Variants in MCF2L observed in about 807,000 individuals in gnomAD.
MCF2L encodes the protein MCF.2 cell line derived transforming sequence like, also known as guanine nucleotide exchange factor DBS.
Under a neutral mutation model 153.4 loss-of-function variants are expected in MCF2L, and 97 were observed. The ratio of observed to expected loss-of-function variants is 0.63; its 90% CI spans 0.54 to 0.75. The LOEUF is 0.75. Among genes scored for constraint, MCF2L ranks in the 30% least tolerant of loss-of-function variants. The pLI is 0.00. For synonymous variants in MCF2L, 659 were observed against 632.2 expected (o/e 1.04, Z -0.64); for missense variants, 1,347 against 1,495.2 (o/e 0.90, Z 1.64).
chr13:113,022,603 C>G (rs1462689636), intron 2 of MCF2L, among the ~76,000 whole-genome samples: 2 of 152,276 alleles, frequency 1.3e-5, no homozygotes, highest in South Asian at 4.1e-4. Flanking sequence ...GCCGTTTCCA[C>G]AATCCACCTC....
At chr13:112,897,669 G>C (rs140760047) in intron 1 of MCF2L, among the ~76,000 whole-genome samples, 1 of 152,368 alleles carries the variant, frequency 6.6e-6, no homozygotes, top group Non-Finnish European at 1.5e-5. Context: ...GTGGAGACCG[G>C]AGAGGGTAAC....
At position 113,090,260 on chromosome 13, in the gene MCF2L, G is replaced by C. The variant is rs556361531; in HGVS notation, c.2953+532G>C. On this transcript the variant is annotated intron_variant, in intron 26 of 29. Coordinates refer to ENST00000535094, the MANE Select transcript of MCF2L (RefSeq NM_001112732.3). ...CCTCCTTCGTCACAAGGGCGGCCAC[G>C]CAAAAGCGTTTCTTTCCACCCAATC... 2.9e-5 allele frequency: 40 copies of C among 1,357,160 alleles called. 1 individual carries two copies. In the South Asian group the frequency reaches 5.1e-4, roughly 17 times the overall value. The allele number at this position is 1,357,160 out of a possible 1,614,324, so 84.1% of individuals were successfully genotyped here.
chr13:112,977,494 C>T (rs1449933642), intron 1 of MCF2L, among the ~76,000 whole-genome samples: 4 of 152,148 alleles, frequency 2.6e-5, no homozygotes, highest in Non-Finnish European at 5.9e-5. Flanking sequence ...ATCAGCAGAT[C>T]GTGAGTGAGG....
At chr13:112,898,786 C>T (rs1392986237) in intron 1 of MCF2L, among the ~76,000 whole-genome samples, 1 of 152,210 alleles carries the variant, frequency 6.6e-6, no homozygotes, top group African/African-American at 2.4e-5. Context: ...CTCTGCCTCC[C>T]GCTTCTCTCC....
chr13:112,918,530 G>A (rs544327631), intron 2 of MCF2L, among the ~76,000 whole-genome samples: 10 of 152,240 alleles, frequency 6.6e-5, no homozygotes, highest in South Asian at 4.1e-4. Flanking sequence ...ACCACACCCT[G>A]GAAAGGCCAG....
Position 113,084,781 on chromosome 13 carries a change from G to A in MCF2L, c.2062-111G>A, listed in dbSNP as rs777814587. The stretch of plus-strand genomic sequence containing the variant: ...CAATGCCTCGCAGGGCCGGGAAGAC[G>A]CTGCGTGATGCGGTGCCCGTCCCTC... On this transcript the variant is annotated intron_variant, in intron 18 of 29. Coordinates refer to ENST00000535094, the MANE Select transcript of MCF2L (RefSeq NM_001112732.3). 5.9e-5 allele frequency: 48 copies of A among 808,786 alleles called. 1 individual carries two copies. Among genetic ancestry groups the A allele is most frequent in the South Asian group, 4.9e-4 (32 of 64,942 alleles). The allele number at this position is 808,786 out of a possible 1,614,324, so 50.1% of individuals were successfully genotyped here.
At chr13:113,034,905 G>A (rs560314117) in intron 3 of MCF2L, among the ~76,000 whole-genome samples, 183 of 152,282 alleles carry the variant, frequency 1.2e-3, no homozygotes, top group African/African-American at 4.1e-3. Flanking sequence ...AGGTCTGCCC[G>A]AGGTGAGGAA....
intron 3 of MCF2L, among the ~76,000 whole-genome samples, chr13:113,025,692 G>C (rs1194495168): frequency 8.2e-6 from 1 of 122,358 alleles, no homozygotes; most frequent in Admixed American, 8.3e-5. Context: ...CCCTGTCATG[G>C]GGTCCCCGTG....
At chr13:112,940,715 TATAAAC>T (rs1229935824) in intron 2 of MCF2L, among the ~76,000 whole-genome samples, 1 of 152,244 alleles carries the variant, frequency 6.6e-6, no homozygotes, top group Non-Finnish European at 1.5e-5. Context: ...TGTGTATTAT[TATAAAC>T]ATAAATATAG....
intron 3 of MCF2L, chr13:113,044,736 G>T (rs771242296): frequency 6.2e-7 from 1 of 1,612,898 alleles, no homozygotes; most frequent in Non-Finnish European, 8.5e-7. Flanking sequence ...TGTGGCTGTC[G>T]CAGAGAGTGC....
chr13:112,985,317 G>T, intron 1 of MCF2L: 1 of 451,054 alleles, frequency 2.2e-6, no homozygotes. Context: ...GAAAGGTCCT[G>T]TTACAAGGAG....
In MCF2L at chr13:113,064,710, G is replaced by A. The variant is rs1294703985; in HGVS notation, c.607-226G>A. ...CTCTCAACGGGGAGAGGCAGCGCAG[G>A]CACAGGCGACTCTAGGTGACGGGCA... is the stretch of plus-strand genomic sequence containing the variant. On this transcript the variant is annotated intron_variant, in intron 6 of 29. Coordinates refer to ENST00000535094, the MANE Select transcript of MCF2L (RefSeq NM_001112732.3). This position sits in a 1 kb window ranked among gnomAD's most constrained non-coding sequence, Gnocchi z 6.0. 1 of 600,754 alleles carries A rather than the reference G, an allele frequency of 1.7e-6. No homozygotes were observed. Among genetic ancestry groups the A allele is most frequent in the East Asian group, 2.8e-5 (1 of 36,090 alleles). The allele number at this position is 600,754 out of a possible 1,614,324, so 37.2% of individuals were successfully genotyped here. A position where few individuals can be genotyped will look rare whatever the true frequency, so the allele number is the denominator to read the frequency against.
chr13:112,900,433 C>T (rs1337365140), intron 1 of MCF2L, among the ~76,000 whole-genome samples: 6 of 152,280 alleles, frequency 3.9e-5, no homozygotes, highest in East Asian at 1.9e-4. Context: ...ACACGCCACA[C>T]GTAAACAAAA....
In MCF2L at chr13:113,045,309, A is replaced by G; in HGVS notation, c.317A>G (p.Asp106Gly). ...DAGIGFILVI[D>G]RRRDKWTSVK... ...GGCATCGGATTCATCCTGGTGATAG[A>G]CCGGCGACGGGACAAATGGACCTCC... Residue 106 changes from aspartate to glycine, a missense_variant, in exon 4 of 30, where the codon GAC (aspartate) becomes GGC (glycine). By Grantham distance (94) the Asp-to-Gly change is moderately conservative (BLOSUM62 -1). Transcript: ENST00000535094. This position sits in a 1 kb window ranked among gnomAD's most constrained non-coding sequence, Gnocchi z 4.2. 6.2e-7 allele frequency: 1 copy of G among 1,614,100 alleles called. No homozygotes were observed. Among genetic ancestry groups the G allele is most frequent in the Non-Finnish European group, 8.5e-7 (1 of 1,180,040 alleles).
At chr13:112,972,266 TGGGTGGATGAATGTAG>T (rs1352952055) in intron 1 of MCF2L, among the ~76,000 whole-genome samples, 21 of 147,636 alleles carry the variant, frequency 1.4e-4, no homozygotes, top group Non-Finnish European at 2.6e-4. Flanking sequence ...GATGGATGGG[TGGGTGGATGAATGTAG>T]GGGTGGATGA....
At chr13:112,899,872 T>G (rs186153949) in intron 1 of MCF2L, among the ~76,000 whole-genome samples, 2 of 152,320 alleles carry the variant, frequency 1.3e-5, no homozygotes, top group African/African-American at 4.8e-5. Context: ...CTGGATCTTT[T>G]CCACCGTATC....
intron 1 of MCF2L, among the ~76,000 whole-genome samples, chr13:112,894,909 C>G (rs111573526): frequency 9.9e-6 from 1 of 100,610 alleles, no homozygotes; most frequent in East Asian, 4.1e-4. Context: ...GCCTGGGGTC[C>G]GGCTGGGGTC....
At chr13:113,025,750 CCCTGCAACT>C (rs1209646801) in intron 3 of MCF2L, among the ~76,000 whole-genome samples, 17 of 143,034 alleles carry the variant, frequency 1.2e-4, no homozygotes, top group Admixed American at 2.8e-4. Flanking sequence ...AGGGTGGGGT[CCCTGCAACT>C]ATGGGATGAG....
chr13:112,940,455 G>A (rs2152928), intron 2 of MCF2L, among the ~76,000 whole-genome samples: 60,533 of 152,082 alleles, frequency 0.4, 12,377 homozygotes, highest in East Asian at 0.62. Context: ...CCCGTGGTCG[G>A]GTGGGGCGGG....
Sources: gnomAD v4.1 joint callset for allele counts (sites outside exome capture counted in the v4.1 genomes callset) on GRCh38, gnomAD v4.1.1 for gene constraint, Gnocchi (gnomAD v3.1) non-coding constraint, MANE v1.5 for transcripts, NCBI Gene and HGNC (gene_info 2026-07-23, HGNC 2026-07-21) for gene names.